Variants in CACNB2 observed in about 807,000 individuals in gnomAD.
CACNB2 encodes calcium voltage-gated channel auxiliary subunit beta 2.
In CACNB2, 42 loss-of-function variants were observed where a neutral mutation model predicts 73.3. That is an observed-to-expected ratio of 0.57 (90% CI 0.45 to 0.74). The LOEUF (loss-of-function observed/expected upper bound fraction) is 0.74. Ranked by LOEUF, CACNB2 falls within the 30% of genes least tolerant of loss-of-function variation. CACNB2 has a pLI of 0.00. For missense variants in CACNB2, 940 were observed against 853.0 expected, an observed-to-expected ratio of 1.10 and a Z score of -1.27; for synonymous variants, 348 against 310.3, an observed-to-expected ratio of 1.12 and a Z score of -1.28.
chr10:18,489,138 C>A (rs1001895486), intron 3 of CACNB2, among the ~76,000 whole-genome samples: 2 of 151,928 alleles, frequency 1.3e-5, no homozygotes, highest in African/African-American at 2.4e-5. Context: ...ACGGTGAAAC[C>A]CCACCTATAC....
chr10:18,520,528 A>G (rs2051757385), intron 9 of CACNB2, among the ~76,000 whole-genome samples: 1 of 152,108 alleles, frequency 6.6e-6, no homozygotes, highest in African/African-American at 2.4e-5. Flanking sequence ...CTGCTGCATG[A>G]CCCTGTTAAG....
intron 1 of CACNB2, among the ~76,000 whole-genome samples, chr10:18,149,645 A>G (rs184390700): frequency 6.6e-6 from 1 of 152,330 alleles, no homozygotes; most frequent in East Asian, 1.9e-4. Flanking sequence ...AATGAAAAGC[A>G]TATGAATAGA....
chr10:18,415,598 C>A (rs1054371141), intron 3 of CACNB2, among the ~76,000 whole-genome samples: 1 of 152,176 alleles, frequency 6.6e-6, no homozygotes, highest in Non-Finnish European at 1.5e-5. Context: ...TAAGCCCCCA[C>A]TGTTAGTGAC....
chr10:18,287,258 G>A (rs1338899969), intron 2 of CACNB2, among the ~76,000 whole-genome samples: 3 of 152,108 alleles, frequency 2.0e-5, no homozygotes, highest in Non-Finnish European at 4.4e-5. Context: ...AAATATGGGA[G>A]GCAGAGGTTG....
At chr10:18,202,440 C>T (rs1039986127) in intron 2 of CACNB2, among the ~76,000 whole-genome samples, 4 of 152,150 alleles carry the variant, frequency 2.6e-5, no homozygotes, top group Admixed American at 6.5e-5. Flanking sequence ...AGGGACCAAA[C>T]CATGGGATTT....
chr10:18,321,569 T>C (rs2131956953), intron 2 of CACNB2, among the ~76,000 whole-genome samples: 1 of 152,334 alleles, frequency 6.6e-6, no homozygotes, highest in Non-Finnish European at 1.5e-5. Context: ...GGACAAATGC[T>C]TGGGGGCATG....
At chr10:18,344,007 GT>G in intron 2 of CACNB2, among the ~76,000 whole-genome samples, 1 of 149,686 alleles carries the variant, frequency 6.7e-6, no homozygotes, top group East Asian at 2.0e-4. Flanking sequence ...AAGAAGGCTA[GT>G]AATTTTGGGT....
At chr10:18,456,273 A>C (rs10764512) in intron 3 of CACNB2, among the ~76,000 whole-genome samples, 93,828 of 151,584 alleles carry the variant, frequency 0.62, 30,333 homozygotes, top group Non-Finnish European at 0.72. Context: ...GAGTTCGAGA[A>C]CGGCCTGACC....
intron 2 of CACNB2, among the ~76,000 whole-genome samples, chr10:18,387,304 C>T (rs771003153): frequency 6.6e-6 from 1 of 152,152 alleles, no homozygotes; most frequent in African/African-American, 2.4e-5. Context: ...CTCATAGTGT[C>T]CCATGGCTTT....
intron 2 of CACNB2, among the ~76,000 whole-genome samples, chr10:18,259,391 C>A (rs776363149): frequency 2.6e-5 from 4 of 151,376 alleles, no homozygotes; most frequent in Non-Finnish European, 5.9e-5. Flanking sequence ...CAAAGTGAGA[C>A]CCCTGTCTCT....
chr10:18,320,001 T>C (rs1448344989), intron 2 of CACNB2, among the ~76,000 whole-genome samples: 1 of 152,080 alleles, frequency 6.6e-6, no homozygotes, highest in Admixed American at 6.6e-5. Flanking sequence ...TTCACTGTCT[T>C]CCTCCTATAG....
chr10:18,412,915 C>T (rs1301064437), intron 3 of CACNB2, among the ~76,000 whole-genome samples: 2 of 152,166 alleles, frequency 1.3e-5, no homozygotes, highest in Admixed American at 6.5e-5. Flanking sequence ...GCGTTGTACC[C>T]AGGATTCAGC....
chr10:18,241,976 G>A (rs137882009), intron 2 of CACNB2, among the ~76,000 whole-genome samples: 101 of 151,906 alleles, frequency 6.6e-4, no homozygotes, highest in Admixed American at 5.4e-3. Context: ...ATTCAATTAC[G>A]TATATAGTCA....
intron 5 of CACNB2, among the ~76,000 whole-genome samples, chr10:18,504,730 C>T (rs571666746): frequency 3.3e-5 from 5 of 152,066 alleles, no homozygotes; most frequent in African/African-American, 7.2e-5. Context: ...CTGCAACCTC[C>T]GCCTCCCCGG....
chr10:18,459,795 T>C lies in CACNB2; in HGVS notation c.334-38560T>C, dbSNP rs908387845. On this transcript the variant is annotated intron_variant, in intron 3 of 13. Coordinates refer to ENST00000324631, the MANE Select transcript of CACNB2 (RefSeq NM_201596.3). ...GCCGTGATGGGTGGATCACCTGAGG[T>C]CAGGAGTTCAAGACCAACCTGGCCA... Among the ~76,000 whole-genome samples the C allele has an allele frequency of 3.3e-5, 5 of 152,016 alleles. No homozygotes were observed. In the South Asian group the frequency reaches 1.0e-3, roughly 32 times the overall value.
intron 2 of CACNB2, among the ~76,000 whole-genome samples, chr10:18,183,333 A>AT (rs1157342961): frequency 5.7e-5 from 8 of 140,814 alleles, no homozygotes; most frequent in African/African-American, 1.5e-4. Context: ...GTTCTTTTTT[A>AT]TTATTTTTTT....
At chr10:18,262,994 C>A (rs549107104) in intron 2 of CACNB2, among the ~76,000 whole-genome samples, 7 of 152,046 alleles carry the variant, frequency 4.6e-5, no homozygotes, top group Non-Finnish European at 1.0e-4. Flanking sequence ...GAATAAAGTA[C>A]CACAAAATAT....
intron 3 of CACNB2, among the ~76,000 whole-genome samples, chr10:18,470,311 A>AAT (rs2048114445): frequency 6.7e-6 from 1 of 149,436 alleles, no homozygotes; most frequent in Admixed American, 6.7e-5. Flanking sequence ...ACATGTATAT[A>AAT]ATATATATAT....
At chr10:18,190,298 A>G (rs1308773378) in intron 2 of CACNB2, among the ~76,000 whole-genome samples, 1 of 152,196 alleles carries the variant, frequency 6.6e-6, no homozygotes, top group African/African-American at 2.4e-5. Flanking sequence ...GTTCAAGAAC[A>G]TGATGGCACA....
Sources: allele counts gnomAD v4.1 joint callset (sites outside exome capture counted in the v4.1 genomes callset), GRCh38; gene constraint gnomAD v4.1.1; transcripts MANE v1.5; gene names NCBI Gene and HGNC (gene_info 2026-07-23, HGNC 2026-07-21).